ARID5B: variants seen among roughly 807,000 people sequenced by gnomAD.
ARID5B encodes AT-rich interaction domain 5B.
Under a neutral mutation model 97.2 loss-of-function variants are expected in ARID5B, and 13 were observed. That is an observed-to-expected ratio of 0.13 (90% CI 0.09 to 0.21). The LOEUF (loss-of-function observed/expected upper bound fraction) is 0.21. Among genes scored for constraint, ARID5B ranks in the 10% least tolerant of loss-of-function variants. The probability of loss-of-function intolerance (pLI) is 1.00; values close to 1 mark genes in which losing one functional copy is unlikely to be tolerated. For missense variants in ARID5B, 1,210 were observed against 1,465.3 expected, an observed-to-expected ratio of 0.83 and a Z score of 2.84; for synonymous variants, 556 against 570.3, an observed-to-expected ratio of 0.97 and a Z score of 0.36.
chr10:61,927,145 A>T (rs1844121770), intron 2 of ARID5B, among the ~76,000 whole-genome samples: 2 of 152,132 alleles, frequency 1.3e-5, no homozygotes, highest in Non-Finnish European at 1.5e-5. Context: ...TTTGAATCCC[A>T]CTTGCCCTCC....
At chr10:62,090,398 T>C (rs763331060) in intron 9 of ARID5B, among the ~76,000 whole-genome samples, 3 of 152,106 alleles carry the variant, frequency 2.0e-5, no homozygotes, top group Non-Finnish European at 4.4e-5. Context: ...AAGCAGGGAG[T>C]TGCAATAGGT....
At chr10:61,909,318 G>GTTTTGT (rs1554836572) in intron 2 of ARID5B, among the ~76,000 whole-genome samples, 1 of 77,260 alleles carries the variant, frequency 1.3e-5, no homozygotes, top group Non-Finnish European at 2.3e-5. Context: ...TATTCAGTGA[G>GTTTTGT]TTTTTTTTTT....
chr10:62,093,000 G>A lies in ARID5B; in HGVS notation c.3537G>A (p.Leu1179=), dbSNP rs147408883. 23 of 1,611,842 alleles carry A rather than the reference G, an allele frequency of 1.4e-5. No individual in the cohort carries two copies. In the East Asian group the frequency reaches 4.2e-4, roughly 30 times the overall value. ...NPQAAFPSSQ[L]SSVHPSTKL The stretch of plus-strand genomic sequence containing the variant: ...AAGCTGCCTTTCCATCTTCCCAGCT[G>A]TCATCCGTGCACCCCAGTACAAAAC... Residue 1179 remains leucine (L), a synonymous_variant, in exon 10 of 10, where the codon CTG becomes CTA. Coordinates refer to ENST00000279873, the MANE Select transcript of ARID5B (RefSeq NM_032199.3).
Position 62,091,829 on chromosome 10 carries a change from C to G in ARID5B, c.2366C>G (p.Ser789Cys). The change falls in exon 10 of 10, where the codon TCC (serine) becomes TGC (cysteine). Residue 789 changes from serine (S) to cysteine (C), a missense_variant. By Grantham distance (112) the Ser-to-Cys change is moderately radical. Coordinates refer to ENST00000279873, the MANE Select transcript of ARID5B (RefSeq NM_032199.3). ...SRSDPHRCSF[S>C]KHHLNPLADS... is the part of the protein sequence containing the mutation. ...TCAGATCCCCACCGCTGCAGCTTCTCCAAGCATCACCTTAACCCCCTTGCT... is the reference window on the plus strand; with the variant it reads ...TCAGATCCCCACCGCTGCAGCTTCTGCAAGCATCACCTTAACCCCCTTGCT... 1 of 1,614,110 alleles carries G rather than the reference C, an allele frequency of 6.2e-7. No homozygotes were observed.
intron 3 of ARID5B, among the ~76,000 whole-genome samples, chr10:61,985,858 A>G (rs1838840043): frequency 6.6e-6 from 1 of 152,114 alleles, no homozygotes; most frequent in South Asian, 2.1e-4. Context: ...GGTTAAAAGT[A>G]AAGAATTGTG....
rs189018814 is a variant in ARID5B, at chr10:62,034,152, C to T, written c.734-16736C>T. On this transcript the variant is annotated intron_variant, in intron 4 of 9. Coordinates refer to ENST00000279873, the MANE Select transcript of ARID5B (RefSeq NM_032199.3). ...TCAGACGTAATGTCATCTGCAACCTCTCTGTGTGCATGATTTCATAAAACT... is the reference window on the plus strand; with the variant it reads ...TCAGACGTAATGTCATCTGCAACCTTTCTGTGTGCATGATTTCATAAAACT... Among the ~76,000 whole-genome samples, 37 of 152,296 alleles carry T rather than the reference C, an allele frequency of 2.4e-4. No individual in the cohort carries two copies. The East Asian group carries it at 6.9e-3, about 29-fold the overall frequency.
At chr10:61,945,915 G>A (rs1476787233) in intron 3 of ARID5B, among the ~76,000 whole-genome samples, 1 of 150,568 alleles carries the variant, frequency 6.6e-6, no homozygotes, top group Non-Finnish European at 1.5e-5. Context: ...TGTCTCCCTC[G>A]ATAGAAAACT....
intron 8 of ARID5B, among the ~76,000 whole-genome samples, chr10:62,070,124 A>G (rs1029428648): frequency 1.3e-5 from 2 of 151,914 alleles, no homozygotes; most frequent in African/African-American, 4.8e-5. Context: ...CTTCTGAAAA[A>G]TCTGCAATGC....
At chr10:61,964,800 AT>A (rs947594827) in intron 3 of ARID5B, among the ~76,000 whole-genome samples, 50 of 152,210 alleles carry the variant, frequency 3.3e-4, no homozygotes, top group African/African-American at 1.1e-3. Context: ...TTAGTAAAAG[AT>A]TTCTGAGATG....
intron 5 of ARID5B, among the ~76,000 whole-genome samples, chr10:62,051,444 T>G (rs547963269): frequency 3.3e-5 from 5 of 152,324 alleles, no homozygotes; most frequent in Non-Finnish European, 5.9e-5. Context: ...ATTAATCTTT[T>G]TAGTTATGTA....
chr10:61,903,081 C>T (rs1843644473), intron 2 of ARID5B, among the ~76,000 whole-genome samples: 2 of 152,180 alleles, frequency 1.3e-5, no homozygotes, highest in African/African-American at 4.8e-5. Flanking sequence ...GCCCACTCCC[C>T]CTCCCCCCGG....
At chr10:62,088,680 C>A (rs936655450) in intron 9 of ARID5B, among the ~76,000 whole-genome samples, 2 of 152,218 alleles carry the variant, frequency 1.3e-5, no homozygotes, top group African/African-American at 4.8e-5. Flanking sequence ...AATCACTTCT[C>A]ACCTCCAACA....
At chr10:61,963,723 A>T (rs977271741) in intron 3 of ARID5B, among the ~76,000 whole-genome samples, 1 of 151,800 alleles carries the variant, frequency 6.6e-6, no homozygotes, top group African/African-American at 2.4e-5. Context: ...TGCATTCTTG[A>T]TTTCTGTGCC....
At chr10:61,923,220 C>T (rs1292828824) in intron 2 of ARID5B, among the ~76,000 whole-genome samples, 1 of 152,162 alleles carries the variant, frequency 6.6e-6, no homozygotes, top group Non-Finnish European at 1.5e-5. Context: ...TTCCTCTGCC[C>T]ACAGTGTCCT....
chr10:61,980,503 T>C (rs1838762753), intron 3 of ARID5B, among the ~76,000 whole-genome samples: 1 of 151,736 alleles, frequency 6.6e-6, no homozygotes, highest in South Asian at 2.1e-4. Flanking sequence ...CTGGGAGGGG[T>C]GGGGAGGAGA....
intron 2 of ARID5B, among the ~76,000 whole-genome samples, chr10:61,904,504 T>C (rs1282513775): frequency 6.6e-6 from 1 of 152,232 alleles, no homozygotes; most frequent in Non-Finnish European, 1.5e-5. Flanking sequence ...AAGGGAACCA[T>C]TGTAATGATC....
intron 4 of ARID5B, among the ~76,000 whole-genome samples, chr10:62,010,849 C>T (rs943923492): frequency 3.3e-5 from 5 of 152,184 alleles, no homozygotes; most frequent in African/African-American, 4.8e-5. Flanking sequence ...TACCAGAATT[C>T]GCCGTGGCCA....
intron 4 of ARID5B, among the ~76,000 whole-genome samples, chr10:62,048,066 A>T (rs1839734859): frequency 6.6e-6 from 1 of 152,140 alleles, no homozygotes; most frequent in South Asian, 2.1e-4. Context: ...AACTCAAGTC[A>T]CCAGTTTATG....
chr10:62,009,779 G>A (rs1839193611), intron 4 of ARID5B, among the ~76,000 whole-genome samples: 1 of 152,190 alleles, frequency 6.6e-6, no homozygotes, highest in Non-Finnish European at 1.5e-5. Flanking sequence ...GCAAAGTGAG[G>A]AGGTCAAACC....
Sources: allele counts gnomAD v4.1 joint callset (sites outside exome capture counted in the v4.1 genomes callset), GRCh38; gene constraint gnomAD v4.1.1; transcripts MANE v1.5; gene names NCBI Gene and HGNC (gene_info 2026-07-23, HGNC 2026-07-21).